STXBP6: variants seen among roughly 807,000 people sequenced by gnomAD.
STXBP6 encodes the protein syntaxin-binding protein 6.
In STXBP6, 21 loss-of-function variants were observed where a neutral mutation model predicts 26.9. The observed-to-expected ratio is 0.78, with a 90% confidence interval of 0.55 to 1.12. STXBP6 has a LOEUF of 1.12. Ranked by LOEUF, STXBP6 falls within the 50% of genes most tolerant of loss-of-function variation. The pLI is 0.00. For synonymous variants in STXBP6, 97 were observed against 92.6 expected, an observed-to-expected ratio of 1.05 and a Z score of -0.27; for missense variants, 232 against 257.9, an observed-to-expected ratio of 0.90 and a Z score of 0.69.
intron 1 of STXBP6, among the ~76,000 whole-genome samples, chr14:25,001,936 A>C (rs1479050155): frequency 6.6e-6 from 1 of 152,222 alleles, no homozygotes; most frequent in Non-Finnish European, 1.5e-5. Context: ...ATTATTTCCT[A>C]TTCAAACATG....
chr14:24,946,818 A>G (rs2073008721), intron 2 of STXBP6, among the ~76,000 whole-genome samples: 2 of 152,160 alleles, frequency 1.3e-5, no homozygotes, highest in Admixed American at 1.3e-4. Context: ...GGCAGATTGG[A>G]GAGAAGATAA....
chr14:24,882,088 A>G (rs2070377646), intron 2 of STXBP6, among the ~76,000 whole-genome samples: 1 of 151,918 alleles, frequency 6.6e-6, no homozygotes, highest in Non-Finnish European at 1.5e-5. Context: ...TGAGCATAAG[A>G]GGGGCTTTCG....
chr14:24,822,283 C>T (rs899419245), intron 4 of STXBP6, among the ~76,000 whole-genome samples: 8 of 152,114 alleles, frequency 5.3e-5, no homozygotes, highest in African/African-American at 1.4e-4. Context: ...ACTTTTATCC[C>T]ATACAACTAA....
intron 2 of STXBP6, among the ~76,000 whole-genome samples, chr14:24,934,524 A>G (rs1178650302): frequency 1.3e-5 from 2 of 152,180 alleles, no homozygotes; most frequent in East Asian, 1.9e-4. Context: ...CTTGAAAAGG[A>G]TAACAGACAT....
At chr14:25,047,624 C>G (rs1339588076) in intron 1 of STXBP6, among the ~76,000 whole-genome samples, 2 of 152,202 alleles carry the variant, frequency 1.3e-5, no homozygotes, top group Non-Finnish European at 2.9e-5. Flanking sequence ...TATAGCCCAA[C>G]AGTTTGAGAT....
chr14:24,919,974 AAAGT>A (rs539425164), intron 2 of STXBP6, among the ~76,000 whole-genome samples: 3 of 152,212 alleles, frequency 2.0e-5, no homozygotes, highest in African/African-American at 4.8e-5. Flanking sequence ...CGAAGAATGT[AAAGT>A]AAGAGGAGAG....
chr14:24,958,095 CA>C (rs1209526275), intron 2 of STXBP6, among the ~76,000 whole-genome samples: 1 of 152,148 alleles, frequency 6.6e-6, no homozygotes, highest in Non-Finnish European at 1.5e-5. Flanking sequence ...TGATGCTCTA[CA>C]AAGTACCTCT....
chr14:24,874,887 C>T (rs1359309866), intron 2 of STXBP6, among the ~76,000 whole-genome samples: 1 of 152,108 alleles, frequency 6.6e-6, no homozygotes, highest in Non-Finnish European at 1.5e-5. Flanking sequence ...TGGGAACACG[C>T]TCATTAAAAT....
At chr14:24,999,336 T>C (rs753366699) in intron 1 of STXBP6, among the ~76,000 whole-genome samples, 10 of 152,142 alleles carry the variant, frequency 6.6e-5, no homozygotes, top group South Asian at 2.1e-4. Context: ...ACGAGAGCAA[T>C]TGACAGCAGA....
At chr14:24,954,424 GGGAACAGA>G (rs1456051394) in intron 2 of STXBP6, among the ~76,000 whole-genome samples, 2 of 152,162 alleles carry the variant, frequency 1.3e-5, no homozygotes, top group Non-Finnish European at 2.9e-5. Context: ...CAGAGCTTAG[GGGAACAGA>G]GAGTGCTGTG....
chr14:24,925,407 T>C (rs943807824), intron 2 of STXBP6, among the ~76,000 whole-genome samples: 3 of 152,282 alleles, frequency 2.0e-5, no homozygotes, highest in African/African-American at 7.2e-5. Flanking sequence ...GCACAAGTAA[T>C]TACAGAGGCA....
intron 1 of STXBP6, among the ~76,000 whole-genome samples, chr14:25,011,437 C>G (rs2075027699): frequency 6.6e-6 from 1 of 152,198 alleles, no homozygotes; most frequent in South Asian, 2.1e-4. Context: ...GTTTTGGAAA[C>G]ACACTTCCTT....
chr14:25,027,078 AGACAC>A (rs1177183838), intron 1 of STXBP6, among the ~76,000 whole-genome samples: 2 of 152,364 alleles, frequency 1.3e-5, no homozygotes, highest in Non-Finnish European at 2.9e-5. Context: ...AATGGCATTC[AGACAC>A]GAAAATCAAG....
chr14:24,968,087 T>C (rs572026218), intron 2 of STXBP6, among the ~76,000 whole-genome samples: 1 of 151,646 alleles, frequency 6.6e-6, no homozygotes, highest in African/African-American at 2.4e-5. Context: ...TAATATAATA[T>C]GCATAAGATG....
At chr14:24,881,393 TAACTC>T (rs1382056874) in intron 2 of STXBP6, among the ~76,000 whole-genome samples, 1 of 152,082 alleles carries the variant, frequency 6.6e-6, no homozygotes, top group South Asian at 2.1e-4. Context: ...CTTGAGAAAA[TAACTC>T]AAGTATTTGA....
At chr14:24,902,914 A>C (rs541688505) in intron 2 of STXBP6, among the ~76,000 whole-genome samples, 1 of 152,292 alleles carries the variant, frequency 6.6e-6, no homozygotes, top group African/African-American at 2.4e-5. Flanking sequence ...TATATACAAC[A>C]GGTGATCCAT....
chr14:24,864,359 C>T (rs1444185815), intron 2 of STXBP6, among the ~76,000 whole-genome samples: 2 of 151,966 alleles, frequency 1.3e-5, no homozygotes, highest in Non-Finnish European at 2.9e-5. Context: ...AAATGTCATA[C>T]GTGGTAGAAA....
intron 2 of STXBP6, among the ~76,000 whole-genome samples, chr14:24,929,346 C>T (rs2072296329): frequency 6.6e-6 from 1 of 152,174 alleles, no homozygotes; most frequent in South Asian, 2.1e-4. Flanking sequence ...AGCTGTTTCC[C>T]CCATAATGTG....
chr14:24,984,697 T>C (rs774476793), intron 1 of STXBP6, among the ~76,000 whole-genome samples: 18 of 152,212 alleles, frequency 1.2e-4, no homozygotes, highest in Non-Finnish European at 2.1e-4. Flanking sequence ...ATCTGTCAGC[T>C]ACCTCAAATT....
Sources: allele counts gnomAD v4.1 joint callset (sites outside exome capture counted in the v4.1 genomes callset), GRCh38; gene constraint gnomAD v4.1.1; transcripts MANE v1.5; gene names NCBI Gene and HGNC (gene_info 2026-07-23, HGNC 2026-07-21).